Variants in CFAP299 observed in about 807,000 individuals in gnomAD.
CFAP299 encodes cilia- and flagella-associated protein 299.
A neutral mutation model predicts 27.0 loss-of-function variants in CFAP299; 21 were observed. The ratio of observed to expected loss-of-function variants is 0.78; its 90% CI spans 0.55 to 1.12. The LOEUF (loss-of-function observed/expected upper bound fraction) is 1.12, where lower values mean the gene tolerates loss of function less well. Among genes scored for constraint, CFAP299 ranks in the 50% most tolerant of loss-of-function variants. The pLI is 0.00. For missense variants in CFAP299, 310 were observed against 276.6 expected (o/e 1.12, Z -0.86); for synonymous variants, 104 against 98.1 (o/e 1.06, Z -0.36).
At chr4:80,424,898 G>A (rs1015982622) in intron 2 of CFAP299, among the ~76,000 whole-genome samples, 1 of 152,090 alleles carries the variant, frequency 6.6e-6, no homozygotes, top group Non-Finnish European at 1.5e-5. Flanking sequence ...TATGGAAGGG[G>A]CCCTGCATAC....
intron 3 of CFAP299, among the ~76,000 whole-genome samples, chr4:80,738,992 A>G (rs1724087692): frequency 6.6e-6 from 1 of 152,066 alleles, no homozygotes; most frequent in Non-Finnish European, 1.5e-5. Flanking sequence ...TGGCAACTTA[A>G]CACAAATTGC....
intron 3 of CFAP299, among the ~76,000 whole-genome samples, chr4:80,725,331 T>TA (rs1723096299): frequency 6.6e-6 from 1 of 152,002 alleles, no homozygotes; most frequent in Non-Finnish European, 1.5e-5. Flanking sequence ...CATGGAGAGA[T>TA]ATGTAAAATT....
At chr4:80,711,703 C>T (rs55983145) in intron 3 of CFAP299, among the ~76,000 whole-genome samples, 1 of 152,250 alleles carries the variant, frequency 6.6e-6, no homozygotes, top group Middle Eastern at 3.4e-3. Flanking sequence ...TTACACCATA[C>T]TTTGTTATGC....
intron 2 of CFAP299, among the ~76,000 whole-genome samples, chr4:80,427,192 A>C (rs1394931219): frequency 6.6e-6 from 1 of 152,176 alleles, no homozygotes; most frequent in Non-Finnish European, 1.5e-5. Context: ...AGTAAGGAAC[A>C]CCTGCTTAAT....
intron 3 of CFAP299, among the ~76,000 whole-genome samples, chr4:80,691,055 C>T (rs1219375665): frequency 2.4e-5 from 3 of 127,204 alleles, no homozygotes; most frequent in Non-Finnish European, 5.0e-5. Flanking sequence ...TAATCAATAG[C>T]TTACCAACCA....
At chr4:80,827,455 G>T (rs1730048196) in intron 3 of CFAP299, among the ~76,000 whole-genome samples, 1 of 151,502 alleles carries the variant, frequency 6.6e-6, no homozygotes, top group Admixed American at 6.6e-5. Context: ...ACAGAATGAA[G>T]AAAAAAATCA....
chr4:80,479,645 A>G (rs1730456272), intron 2 of CFAP299, among the ~76,000 whole-genome samples: 1 of 152,000 alleles, frequency 6.6e-6, no homozygotes, highest in African/African-American at 2.4e-5. Flanking sequence ...ATGAAAACTG[A>G]TCTATTCAAA....
At chr4:80,658,959 C>T (rs1432358644) in intron 3 of CFAP299, among the ~76,000 whole-genome samples, 1 of 152,010 alleles carries the variant, frequency 6.6e-6, no homozygotes, top group African/African-American at 2.4e-5. Context: ...AAATGAAAGA[C>T]AAGACTCTAA....
chr4:80,806,170 T>C (rs1477049765), intron 3 of CFAP299, among the ~76,000 whole-genome samples: 1 of 152,212 alleles, frequency 6.6e-6, no homozygotes, highest in Non-Finnish European at 1.5e-5. Flanking sequence ...TGGAGAATTA[T>C]GTGCTACTTA....
intron 1 of CFAP299, among the ~76,000 whole-genome samples, chr4:80,349,676 A>G (rs1722926293): frequency 6.6e-6 from 1 of 152,222 alleles, no homozygotes; most frequent in South Asian, 2.1e-4. Flanking sequence ...AAAGAAAAAA[A>G]GATTATTTCT....
At chr4:80,625,059 C>A (rs1235659671) in intron 3 of CFAP299, among the ~76,000 whole-genome samples, 1 of 152,066 alleles carries the variant, frequency 6.6e-6, no homozygotes, top group East Asian at 1.9e-4. Flanking sequence ...ATAAAACTCA[C>A]TGGTAAAAGT....
chr4:80,408,118 T>A (rs1196710642), intron 2 of CFAP299, among the ~76,000 whole-genome samples: 1 of 152,246 alleles, frequency 6.6e-6, no homozygotes, highest in African/African-American at 2.4e-5. Flanking sequence ...TGTCCCCTAA[T>A]GCACATAGGC....
intron 5 of CFAP299, among the ~76,000 whole-genome samples, chr4:80,962,169 C>G (rs940127976): frequency 1.3e-5 from 2 of 151,830 alleles, no homozygotes; most frequent in Non-Finnish European, 2.9e-5. Flanking sequence ...GAAGAACCTC[C>G]AAAATATTTA....
intron 3 of CFAP299, among the ~76,000 whole-genome samples, chr4:80,653,732 A>G (rs1740421071): frequency 1.3e-5 from 2 of 152,198 alleles, no homozygotes; most frequent in Admixed American, 1.3e-4. Flanking sequence ...TGTTTGAAGC[A>G]TACAATACAT....
At chr4:80,340,583 G>A (rs1309997746) in intron 1 of CFAP299, among the ~76,000 whole-genome samples, 1 of 152,152 alleles carries the variant, frequency 6.6e-6, no homozygotes, top group Non-Finnish European at 1.5e-5. Context: ...GTTGGCTAGT[G>A]CAGTAGACTG....
At position 80,567,722 on chromosome 4, in the gene CFAP299, C is replaced by T. The variant is rs921898815; in HGVS notation, c.243-15371C>T. On this transcript the variant is annotated intron_variant, in intron 2 of 5. Coordinates refer to ENST00000358105, the MANE Select transcript of CFAP299 (RefSeq NM_152770.3). ...GCAATTTTCACTTAAAAATGCTATT[C>T]TAATGTATTTATATATATATATATA... Among the ~76,000 whole-genome samples the T allele has an allele frequency of 1.4e-4, 10 of 69,050 alleles. 1 individual carries two copies. The South Asian group carries it at 7.0e-3, about 48-fold the overall frequency. The allele number at this position is 69,050 out of a possible 152,430, so 45.3% of individuals were successfully genotyped here.
intron 3 of CFAP299, among the ~76,000 whole-genome samples, chr4:80,726,752 G>A (rs950702717): frequency 1.3e-5 from 2 of 152,066 alleles, no homozygotes; most frequent in African/African-American, 4.8e-5. Flanking sequence ...ACTCACCAGT[G>A]GTGGAATAAA....
intron 2 of CFAP299, among the ~76,000 whole-genome samples, chr4:80,485,749 C>T (rs1259726646): frequency 1.3e-5 from 2 of 152,094 alleles, no homozygotes; most frequent in Admixed American, 6.5e-5. Flanking sequence ...TAACTAAAAA[C>T]ATTAAGTCTT....
At chr4:80,464,165 A>G (rs963593971) in intron 2 of CFAP299, among the ~76,000 whole-genome samples, 3 of 152,124 alleles carry the variant, frequency 2.0e-5, no homozygotes, top group African/African-American at 4.8e-5. Flanking sequence ...AGACCAAATT[A>G]TAACTCCCCA....
Sources: gnomAD v4.1 joint callset for allele counts (sites outside exome capture counted in the v4.1 genomes callset) on GRCh38, gnomAD v4.1.1 for gene constraint, MANE v1.5 for transcripts, NCBI Gene and HGNC (gene_info 2026-07-23, HGNC 2026-07-21) for gene names.